The following MRPS27 variants were observed in gnomAD, a reference collection of about 807,000 sequenced individuals.
MRPS27 encodes the protein small ribosomal subunit protein mS27.
A neutral mutation model predicts 48.9 loss-of-function variants in MRPS27; 43 were observed. The ratio of observed to expected loss-of-function variants is 0.88; its 90% confidence interval spans 0.69 to 1.13. MRPS27 has a LOEUF of 1.13. Ranked by LOEUF, MRPS27 falls within the 50% of genes most tolerant of loss-of-function variation. MRPS27 has a pLI of 0.00. For missense variants in MRPS27, 467 were observed against 476.3 expected, an observed-to-expected ratio of 0.98 and a Z score of 0.18; for synonymous variants, 188 against 171.9, an observed-to-expected ratio of 1.09 and a Z score of -0.73.
Position 72,234,179 on chromosome 5 carries a change from G to C in MRPS27, c.415C>G (p.Pro139Ala). Residue 139 changes from proline (P) to alanine (A), a missense_variant, in exon 6 of 11, where the codon CCA becomes GCA. Coordinates refer to ENST00000261413, the MANE Select transcript of MRPS27 (RefSeq NM_015084.3). Reference protein sequence around the residue: ...LVNKVQYGIFPDNFTFNLLMD... With the variant: ...LVNKVQYGIFADNFTFNLLMD... ...AGTAAATTGAATGTAAAGTTATCTG[G>C]AAAAATTCCATATTGAACCTATAAT... 6.7e-7 allele frequency: 1 copy of C among 1,502,492 alleles called. No homozygotes were observed. Among genetic ancestry groups the C allele is most frequent in the Non-Finnish European group, 8.9e-7 (1 of 1,129,348 alleles). 93.1% of individuals were successfully genotyped at this position (1,502,492 alleles called of 1,614,324 possible).
rs569318409 is a variant in MRPS27 at position 72,220,773 on chromosome 5, C to A, written c.*136G>T. ...TCGATGGGCAGTCATGGTGCCTTGC[C>A]ATGTAGGGCACATAGCCTGCTTTAA... is the stretch of plus-strand genomic sequence containing the variant. On this transcript the variant is annotated 3_prime_UTR_variant, in exon 11 of 11. Coordinates refer to ENST00000261413, the MANE Select transcript of MRPS27 (RefSeq NM_015084.3). 3.4e-5 allele frequency: 44 copies of A among 1,281,992 alleles called. No homozygotes were observed. The East Asian group carries it at 1.0e-3, about 29-fold the overall frequency. The allele number at this position is 1,281,992 out of a possible 1,614,324, so 79.4% of individuals were successfully genotyped here.
At chr5:72,260,173 A>G (rs1174786675) in intron 4 of MRPS27, among the ~76,000 whole-genome samples, 3 of 152,186 alleles carry the variant, frequency 2.0e-5, no homozygotes, top group Non-Finnish European at 4.4e-5. Context: ...TTAAATTTTC[A>G]TATGGATAAA....
At chr5:72,305,806 G>A (rs1750248600) in intron 2 of MRPS27, among the ~76,000 whole-genome samples, 1 of 152,216 alleles carries the variant, frequency 6.6e-6, no homozygotes, top group Non-Finnish European at 1.5e-5. Context: ...TTTCTCCTGA[G>A]TCCTGTTCAC....
chr5:72,310,630 G>A (rs1252154316), intron 2 of MRPS27, among the ~76,000 whole-genome samples: 1 of 152,210 alleles, frequency 6.6e-6, no homozygotes, highest in African/African-American at 2.4e-5. Context: ...TAGTAAATCT[G>A]GAGAAATTTT....
chr5:72,265,677 A>C (rs917093075), intron 4 of MRPS27, among the ~76,000 whole-genome samples: 1 of 152,348 alleles, frequency 6.6e-6, no homozygotes, highest in East Asian at 1.9e-4. Context: ...CAATAAAGAA[A>C]GTTTGGACAG....
chr5:72,258,494 C>A (rs1748872443), intron 4 of MRPS27, among the ~76,000 whole-genome samples: 1 of 152,056 alleles, frequency 6.6e-6, no homozygotes, highest in Admixed American at 6.6e-5. Flanking sequence ...TGAAACTTAA[C>A]CCCCAGGACA....
intron 4 of MRPS27, among the ~76,000 whole-genome samples, chr5:72,248,970 C>T (rs1454216074): frequency 6.6e-6 from 1 of 152,214 alleles, no homozygotes; most frequent in Non-Finnish European, 1.5e-5. Flanking sequence ...TGAACAATTA[C>T]ACTGAGTTCG....
At chr5:72,293,033 C>A (rs1275547059) in intron 4 of MRPS27, among the ~76,000 whole-genome samples, 3 of 152,178 alleles carry the variant, frequency 2.0e-5, no homozygotes, top group Non-Finnish European at 4.4e-5. Context: ...TATTACACAG[C>A]AGTAAGTCCT....
At chr5:72,308,555 C>T (rs897202307) in intron 2 of MRPS27, among the ~76,000 whole-genome samples, 3 of 152,160 alleles carry the variant, frequency 2.0e-5, no homozygotes, top group Non-Finnish European at 4.4e-5. Context: ...GCGTTCCACC[C>T]GCGGGGCGGC....
At chr5:72,271,861 T>C (rs1334455390) in intron 4 of MRPS27, among the ~76,000 whole-genome samples, 3 of 152,244 alleles carry the variant, frequency 2.0e-5, no homozygotes, top group Non-Finnish European at 2.9e-5. Context: ...AGCCATCTGC[T>C]GATATCCAGC....
rs953901013 is a variant in MRPS27 at position 72,232,400 on chromosome 5, C to T, written c.591+43G>A. On this transcript the variant is annotated intron_variant, in intron 7 of 10. Transcript: ENST00000261413. ...CTTTTGAGAGCAAGCCCCTGCTTGC[C>T]TTTTCTAAAGTTCTTAATACTGCTT... 5 of 1,490,746 alleles carry T rather than the reference C, an allele frequency of 3.4e-6. No homozygotes were observed. In the African/African-American group the frequency reaches 7.1e-5, roughly 21 times the overall value. 92.3% of individuals were successfully genotyped at this position (1,490,746 alleles called of 1,614,324 possible).
At chr5:72,311,354 A>G (rs184509206) in intron 2 of MRPS27, among the ~76,000 whole-genome samples, 107 of 152,362 alleles carry the variant, frequency 7.0e-4, no homozygotes, top group African/African-American at 2.3e-3. Flanking sequence ...AAGCAAAAAC[A>G]AATGAATCAA....
At chr5:72,303,427 A>T (rs1260725847) in intron 2 of MRPS27, among the ~76,000 whole-genome samples, 7 of 152,234 alleles carry the variant, frequency 4.6e-5, no homozygotes, top group Admixed American at 4.6e-4. Context: ...ACTGTAAAAG[A>T]GCAAAGATAT....
chr5:72,310,158 C>T (rs958401753), intron 2 of MRPS27, among the ~76,000 whole-genome samples: 7 of 152,178 alleles, frequency 4.6e-5, no homozygotes, highest in Non-Finnish European at 1.0e-4. Flanking sequence ...CATATGTGTA[C>T]ATGTATGTTT....
chr5:72,300,921 A>G (rs1750110085), intron 2 of MRPS27, among the ~76,000 whole-genome samples: 1 of 152,220 alleles, frequency 6.6e-6, no homozygotes. Flanking sequence ...TTACTAATAT[A>G]CACACTCTCA....
intron 2 of MRPS27, among the ~76,000 whole-genome samples, chr5:72,313,200 G>C (rs1750484148): frequency 6.6e-6 from 1 of 152,068 alleles, no homozygotes; most frequent in Non-Finnish European, 1.5e-5. Context: ...AAAAGGATGA[G>C]ATCTTTGAAA....
At chr5:72,267,277 C>T (rs926896750) in intron 4 of MRPS27, among the ~76,000 whole-genome samples, 4 of 152,052 alleles carry the variant, frequency 2.6e-5, no homozygotes, top group Non-Finnish European at 4.4e-5. Context: ...AATTTGAAAC[C>T]GCCTAAAAAT....
At chr5:72,271,117 T>A (rs535191479) in intron 4 of MRPS27, among the ~76,000 whole-genome samples, 3 of 152,136 alleles carry the variant, frequency 2.0e-5, no homozygotes, top group African/African-American at 7.2e-5. Context: ...TATTCAACAT[T>A]GTATTGGAAG....
chr5:72,298,724 C>CAA (rs4042799), intron 2 of MRPS27, among the ~76,000 whole-genome samples: 2 of 121,524 alleles, frequency 1.6e-5, no homozygotes, highest in Admixed American at 1.8e-4. Context: ...AAAAAAAAAA[C>CAA]AAAAAAAAAA....
Sources: allele counts gnomAD v4.1 joint callset (sites outside exome capture counted in the v4.1 genomes callset), GRCh38; gene constraint gnomAD v4.1.1; transcripts MANE v1.5; gene names NCBI Gene and HGNC (gene_info 2026-07-23, HGNC 2026-07-21).